The following CPQ variants were observed in gnomAD, a reference collection of about 807,000 sequenced individuals.
The protein encoded by CPQ is Ser-Met dipeptidase.
A neutral mutation model predicts 45.7 loss-of-function variants in CPQ; 37 were observed. The ratio of observed to expected loss-of-function variants is 0.81; its 90% CI spans 0.62 to 1.07. CPQ has a LOEUF of 1.07. Among genes scored for constraint, CPQ ranks in the 50% least tolerant of loss-of-function variants. CPQ has a pLI of 0.00. For synonymous variants in CPQ, 186 were observed against 205.8 expected, an observed-to-expected ratio of 0.90 and a Z score of 0.82; for missense variants, 537 against 572.9, an observed-to-expected ratio of 0.94 and a Z score of 0.64.
At chr8:96,830,166 C>T (rs1811435299) in intron 2 of CPQ, among the ~76,000 whole-genome samples, 1 of 152,134 alleles carries the variant, frequency 6.6e-6, no homozygotes, top group South Asian at 2.1e-4. Context: ...TAGGGCTAGA[C>T]TATTTCCTGT....
intron 3 of CPQ, among the ~76,000 whole-genome samples, chr8:96,868,866 G>A (rs886375073): frequency 5.3e-5 from 8 of 151,670 alleles, no homozygotes; most frequent in African/African-American, 1.9e-4. Flanking sequence ...ATTGAACACC[G>A]TAATTTATAC....
intron 1 of CPQ, among the ~76,000 whole-genome samples, chr8:96,750,469 C>G (rs918885115): frequency 6.6e-6 from 1 of 151,912 alleles, no homozygotes; most frequent in African/African-American, 2.4e-5. Flanking sequence ...AGGCAAATGA[C>G]TTTACTCCAA....
intron 1 of CPQ, chr8:96,659,265 G>T (rs970111482): frequency 2.6e-5 from 4 of 152,050 alleles, no homozygotes; most frequent in African/African-American, 9.7e-5. Context: ...CCAGTAATTT[G>T]TCAAAATTAC....
chr8:96,706,292 G>GT lies in CPQ; in HGVS notation c.-35+60897dup, dbSNP rs1300937370. 8.6e-5 allele frequency among the ~76,000 whole-genome samples: 13 copies of GT among 152,028 alleles called. 1 individual carries two copies. The highest frequency in any genetic ancestry group is 2.0e-4 in the Admixed American group (3 of 15,242). On this transcript the variant is annotated intron_variant, in intron 1 of 7. Coordinates refer to ENST00000220763, the MANE Select transcript of CPQ (RefSeq NM_016134.4). ...TCTATTATTTTAAGCCAGGTGTATT[G>GT]TTTTTTTAGCCTGTGTCTATTATAC... is the stretch of plus-strand genomic sequence containing the variant.
chr8:96,798,554 C>T (rs1187971489), intron 2 of CPQ, among the ~76,000 whole-genome samples: 1 of 152,046 alleles, frequency 6.6e-6, no homozygotes, highest in Non-Finnish European at 1.5e-5. Context: ...GTGCTTCAGC[C>T]ACATGGGGTC....
At chr8:97,111,834 C>T (rs1260353636) in intron 7 of CPQ, among the ~76,000 whole-genome samples, 1 of 152,168 alleles carries the variant, frequency 6.6e-6, no homozygotes, top group East Asian at 1.9e-4. Context: ...CTCCAGGTTT[C>T]TTTTCTCTTA....
At chr8:97,126,959 C>A (rs1811857828) in intron 7 of CPQ, among the ~76,000 whole-genome samples, 1 of 152,052 alleles carries the variant, frequency 6.6e-6, no homozygotes, top group African/African-American at 2.4e-5. Flanking sequence ...AAACAGATAT[C>A]CTTAAGGGGA....
At chr8:96,724,031 CCTAT>C (rs1809800054) in intron 1 of CPQ, among the ~76,000 whole-genome samples, 1 of 152,036 alleles carries the variant, frequency 6.6e-6, no homozygotes, top group African/African-American at 2.4e-5. Flanking sequence ...ACCTCACCAA[CCTAT>C]CTCTCTGCCT....
intron 1 of CPQ, among the ~76,000 whole-genome samples, chr8:96,691,422 A>T (rs1455670094): frequency 1.3e-5 from 2 of 152,140 alleles, no homozygotes; most frequent in South Asian, 2.1e-4. Flanking sequence ...GGTTATACTC[A>T]TCAAAAGTAC....
intron 3 of CPQ, among the ~76,000 whole-genome samples, chr8:96,859,416 G>A (rs1476422144): frequency 6.6e-6 from 1 of 152,096 alleles, no homozygotes; most frequent in Non-Finnish European, 1.5e-5. Flanking sequence ...TTTAACCACT[G>A]AAGCCGTACA....
intron 6 of CPQ, among the ~76,000 whole-genome samples, chr8:97,038,638 C>T (rs1329985701): frequency 6.6e-6 from 1 of 151,998 alleles, no homozygotes; most frequent in Non-Finnish European, 1.5e-5. Context: ...TTTATTTGGC[C>T]TGAAGTTGTC....
intron 6 of CPQ, among the ~76,000 whole-genome samples, chr8:97,047,382 A>G (rs1412126624): frequency 6.6e-6 from 1 of 152,224 alleles, no homozygotes; most frequent in African/African-American, 2.4e-5. Flanking sequence ...AAGGACATAC[A>G]TAGCAGCATA....
chr8:96,985,990 T>C (rs1344814268), intron 5 of CPQ, among the ~76,000 whole-genome samples: 1 of 152,208 alleles, frequency 6.6e-6, no homozygotes, highest in Non-Finnish European at 1.5e-5. Flanking sequence ...CCTTTCGTGA[T>C]CATAGGTTTG....
In CPQ at chr8:96,751,935, A is replaced by T. The variant is rs1419911828; in HGVS notation, c.-34-32929A>T. Among the ~76,000 whole-genome samples the T allele has an allele frequency of 4.6e-5, 7 of 152,234 alleles. No individual in the cohort carries two copies. In the East Asian group the frequency reaches 1.4e-3, roughly 29 times the overall value. On this transcript the variant is annotated intron_variant, in intron 1 of 7. Transcript: ENST00000220763. ...TTTGTTTTTGTCAGGTTTGTTGAAG[A>T]TGAGATGTTTGTAGGTGTGTGGTCT...
At chr8:96,684,483 G>A (rs999438297) in intron 1 of CPQ, among the ~76,000 whole-genome samples, 1 of 152,118 alleles carries the variant, frequency 6.6e-6, no homozygotes, top group African/African-American at 2.4e-5. Context: ...AGCTGTGGCA[G>A]GTACGGTTAG....
intron 1 of CPQ, among the ~76,000 whole-genome samples, chr8:96,724,490 G>GACACACACACACAC (rs146087978): frequency 2.1e-5 from 3 of 144,788 alleles, no homozygotes; most frequent in African/African-American, 7.6e-5. Flanking sequence ...ATTTAGAGTA[G>GACACACACACACAC]ACACACACAC....
chr8:96,870,030 A>C (rs1294868999), intron 3 of CPQ, among the ~76,000 whole-genome samples: 1 of 152,068 alleles, frequency 6.6e-6, no homozygotes, highest in African/African-American at 2.4e-5. Flanking sequence ...ATGTGCGTAA[A>C]TGGGTATAAA....
At chr8:97,062,323 A>G (rs565627955) in intron 6 of CPQ, among the ~76,000 whole-genome samples, 33 of 152,300 alleles carry the variant, frequency 2.2e-4, no homozygotes, top group African/African-American at 7.7e-4. Context: ...ACTTGGGGAC[A>G]GAGGGAGAGG....
intron 4 of CPQ, among the ~76,000 whole-genome samples, chr8:96,939,720 A>G (rs1586459617): frequency 6.6e-6 from 1 of 152,080 alleles, no homozygotes; most frequent in Admixed American, 6.6e-5. Context: ...TCTACTGTTG[A>G]TGGACTTTTG....
Sources: allele counts gnomAD v4.1 joint callset (sites outside exome capture counted in the v4.1 genomes callset), GRCh38; gene constraint gnomAD v4.1.1; transcripts MANE v1.5; gene names NCBI Gene and HGNC (gene_info 2026-07-23, HGNC 2026-07-21).